GYPC: variants seen among roughly 807,000 people sequenced by gnomAD.
GYPC encodes glycophorin-C.
GYPC carries 14 observed loss-of-function variants against 12.6 expected under a neutral mutation model. The observed-to-expected ratio is 1.11, with a 90% CI of 0.74 to 1.74. The LOEUF is 1.74. GYPC is among the 40% of genes most tolerant of loss of function. GYPC has a pLI of 0.00. For synonymous variants in GYPC, 78 were observed against 62.1 expected (o/e 1.26, Z -1.20); for missense variants, 225 against 172.1 (o/e 1.31, Z -1.72).
chr2:126,668,441 G>A (rs1259472746), intron 1 of GYPC, among the ~76,000 whole-genome samples: 4 of 152,174 alleles, frequency 2.6e-5, no homozygotes, highest in Admixed American at 6.5e-5. Flanking sequence ...AGGACACTTT[G>A]AGGCCTGGAT....
At chr2:126,688,932 T>C (rs938736) in intron 1 of GYPC, among the ~76,000 whole-genome samples, 28 of 152,182 alleles carry the variant, frequency 1.8e-4, no homozygotes, top group African/African-American at 5.8e-4. Context: ...GTAATGGGAA[T>C]ACGGGATTTC....
chr2:126,692,042 G>A (rs1171035338), intron 2 of GYPC, among the ~76,000 whole-genome samples: 1 of 152,094 alleles, frequency 6.6e-6, no homozygotes, highest in Non-Finnish European at 1.5e-5. Flanking sequence ...AATATTTATT[G>A]AGTACCTACT....
intron 1 of GYPC, among the ~76,000 whole-genome samples, chr2:126,669,800 C>T (rs1422171430): frequency 6.7e-6 from 1 of 150,244 alleles, no homozygotes; most frequent in Admixed American, 6.7e-5. Flanking sequence ...CACTTCTGAG[C>T]CTTATTATTA....
intron 1 of GYPC, chr2:126,685,985 TC>T: frequency 3.0e-6 from 3 of 985,372 alleles, no homozygotes; most frequent in Non-Finnish European, 3.6e-6. Flanking sequence ...CCTGAATTCT[TC>T]CTTCTTTGCT....
intron 1 of GYPC, among the ~76,000 whole-genome samples, chr2:126,668,940 C>T (rs1422061233): frequency 6.6e-6 from 1 of 152,156 alleles, no homozygotes; most frequent in Non-Finnish European, 1.5e-5. Flanking sequence ...GGTTTCGGAT[C>T]GAATTGCCTA....
chr2:126,659,375 C>T (rs1212255899), intron 1 of GYPC, among the ~76,000 whole-genome samples: 1 of 152,288 alleles, frequency 6.6e-6, no homozygotes, highest in East Asian at 1.9e-4. Context: ...AGAGCAGAGG[C>T]CAGAGCAACA....
chr2:126,691,679 T>G (rs900500071), intron 2 of GYPC, among the ~76,000 whole-genome samples: 7 of 152,158 alleles, frequency 4.6e-5, no homozygotes, highest in Admixed American at 4.6e-4. Flanking sequence ...ATGAATAATC[T>G]CCAAGCAGTG....
intron 1 of GYPC, among the ~76,000 whole-genome samples, chr2:126,676,507 C>T (rs1045422492): frequency 6.6e-6 from 1 of 152,232 alleles, no homozygotes; most frequent in Non-Finnish European, 1.5e-5. Flanking sequence ...GTGCATTTAT[C>T]ACTTTCTATG....
intron 1 of GYPC, among the ~76,000 whole-genome samples, chr2:126,673,240 G>A (rs1682901612): frequency 6.6e-6 from 1 of 152,164 alleles, no homozygotes; most frequent in African/African-American, 2.4e-5. Flanking sequence ...CTCCGGAAGA[G>A]ACTGACTCCT....
chr2:126,671,640 T>G (rs1682859336), intron 1 of GYPC, among the ~76,000 whole-genome samples: 1 of 152,164 alleles, frequency 6.6e-6, no homozygotes, highest in African/African-American at 2.4e-5. Flanking sequence ...CTGACTGCCC[T>G]AGCACACACG....
chr2:126,670,889 C>A (rs1682833518), intron 1 of GYPC, among the ~76,000 whole-genome samples: 2 of 152,216 alleles, frequency 1.3e-5, no homozygotes, highest in Non-Finnish European at 1.5e-5. Flanking sequence ...TTCCCTGCTA[C>A]AATAGCAGCA....
intron 1 of GYPC, among the ~76,000 whole-genome samples, chr2:126,669,855 T>A (rs1682795428): frequency 6.6e-6 from 1 of 152,154 alleles, no homozygotes; most frequent in Admixed American, 6.5e-5. Flanking sequence ...CTCTTCATGG[T>A]CCTAATCTCT....
intron 1 of GYPC, among the ~76,000 whole-genome samples, chr2:126,689,852 T>A (rs1189774206): frequency 1.3e-5 from 2 of 152,160 alleles, no homozygotes; most frequent in East Asian, 1.9e-4. Flanking sequence ...GCAACTCAAA[T>A]TGGACTGAGA....
chr2:126,659,505 A>G (rs1269408682), intron 1 of GYPC, among the ~76,000 whole-genome samples: 1 of 152,158 alleles, frequency 6.6e-6, no homozygotes, highest in Non-Finnish European at 1.5e-5. Flanking sequence ...GATAACAGCC[A>G]CTTCCCCAGA....
chr2:126,666,953 C>T (rs1682700090), intron 1 of GYPC, among the ~76,000 whole-genome samples: 1 of 152,232 alleles, frequency 6.6e-6, no homozygotes, highest in African/African-American at 2.4e-5. Flanking sequence ...GTAAGAACTG[C>T]TGCCTACAAC....
chr2:126,671,650 G>A (rs1372494205), intron 1 of GYPC, among the ~76,000 whole-genome samples: 1 of 152,214 alleles, frequency 6.6e-6, no homozygotes, highest in East Asian at 1.9e-4. Flanking sequence ...TAGCACACAC[G>A]TGGCCTGGGA....
intron 1 of GYPC, among the ~76,000 whole-genome samples, chr2:126,689,871 G>A (rs1254395436): frequency 6.6e-6 from 1 of 152,214 alleles, no homozygotes; most frequent in Admixed American, 6.5e-5. Flanking sequence ...GACACCTGGT[G>A]TGAGCATCAG....
At chr2:126,660,248 C>G (rs1367315837) in intron 1 of GYPC, among the ~76,000 whole-genome samples, 4 of 152,236 alleles carry the variant, frequency 2.6e-5, no homozygotes, top group Non-Finnish European at 5.9e-5. Flanking sequence ...GTGTCCCACC[C>G]CAGTCCACCG....
At chr2:126,675,615 C>G (rs1453560102) in intron 1 of GYPC, 5 of 841,276 alleles carry the variant, frequency 5.9e-6, no homozygotes, top group Non-Finnish European at 7.2e-6. Context: ...CATCCCTACC[C>G]TGCTTCAAAA....
Sources: allele counts gnomAD v4.1 joint callset (sites outside exome capture counted in the v4.1 genomes callset), GRCh38; gene constraint gnomAD v4.1.1; transcripts MANE v1.5; gene names NCBI Gene and HGNC (gene_info 2026-07-23, HGNC 2026-07-21).